The following PAM variants were observed in gnomAD, a reference collection of about 807,000 sequenced individuals.
PAM encodes the protein peptidyl-glycine alpha-amidating monooxygenase.
A neutral mutation model predicts 122.1 loss-of-function variants in PAM; 72 were observed. The observed-to-expected ratio is 0.59, with a 90% CI of 0.49 to 0.72. PAM has a LOEUF of 0.72. PAM is among the 30% of genes least tolerant of loss of function. PAM has a pLI of 0.00. For synonymous variants in PAM, 389 were observed against 404.4 expected (o/e 0.96, Z 0.46); for missense variants, 1,106 against 1,183.7 (o/e 0.93, Z 0.96).
At chr5:102,842,204 A>G (rs1029045856) in intron 1 of PAM, among the ~76,000 whole-genome samples, 5 of 147,704 alleles carry the variant, frequency 3.4e-5, no homozygotes, top group African/African-American at 1.3e-4. Context: ...AATACAACCT[A>G]AATATATATA....
At chr5:102,808,966 A>C (rs1767037323) in intron 1 of PAM, among the ~76,000 whole-genome samples, 1 of 152,262 alleles carries the variant, frequency 6.6e-6, no homozygotes, top group Non-Finnish European at 1.5e-5. Context: ...TACAGAAAGA[A>C]TATAGTAGAA....
At chr5:102,988,397 AGTATTGG>A (rs1258761031) in intron 15 of PAM, among the ~76,000 whole-genome samples, 2 of 152,140 alleles carry the variant, frequency 1.3e-5, no homozygotes, top group Non-Finnish European at 2.9e-5. Context: ...TTGTGTCATA[AGTATTGG>A]GTTCCTGGGT....
intron 5 of PAM, 135 bp from the exon 6 acceptor site, chr5:102,924,822 G>C: frequency 1.7e-6 from 1 of 593,360 alleles, no homozygotes; most frequent in Admixed American, 2.7e-5. Flanking sequence ...GGATCTTAAA[G>C]CTAATATCAT....
intron 4 of PAM, among the ~76,000 whole-genome samples, chr5:102,911,750 T>A (rs187088421): frequency 2.0e-5 from 3 of 152,138 alleles, no homozygotes; most frequent in Admixed American, 2.0e-4. Context: ...ATTTCATTTT[T>A]AAAAATTACT....
chr5:102,997,686 A>G (rs954393792), intron 16 of PAM, among the ~76,000 whole-genome samples: 1 of 152,220 alleles, frequency 6.6e-6, no homozygotes, highest in South Asian at 2.1e-4. Context: ...TGATCCTCAA[A>G]TTAGTTAATT....
At chr5:102,769,998 T>C (rs1303176265) in intron 1 of PAM, among the ~76,000 whole-genome samples, 2 of 152,134 alleles carry the variant, frequency 1.3e-5, no homozygotes, top group Non-Finnish European at 2.9e-5. Flanking sequence ...AGGATATCTT[T>C]CCGTTTTGTG....
intron 7 of PAM, among the ~76,000 whole-genome samples, chr5:102,931,010 C>T (rs1443714629): frequency 6.6e-6 from 1 of 152,116 alleles, no homozygotes; most frequent in Non-Finnish European, 1.5e-5. Flanking sequence ...TTCTAAACCT[C>T]TCTTTGCTCT....
chr5:102,871,352 T>C (rs111358048), intron 3 of PAM, among the ~76,000 whole-genome samples: 2 of 152,252 alleles, frequency 1.3e-5, no homozygotes, highest in African/African-American at 4.8e-5. Context: ...ACCTTGACAC[T>C]AGAAAGAAAT....
chr5:102,774,420 T>G (rs1368627549), intron 1 of PAM, among the ~76,000 whole-genome samples: 1 of 152,112 alleles, frequency 6.6e-6, no homozygotes, highest in Non-Finnish European at 1.5e-5. Context: ...TGAGACTACC[T>G]TGCCTTCGAA....
At chr5:102,966,292 C>T (rs192472816) in intron 14 of PAM, among the ~76,000 whole-genome samples, 250 of 152,156 alleles carry the variant, frequency 1.6e-3, no homozygotes, top group Non-Finnish European at 2.5e-3. Flanking sequence ...TTCCTAATAA[C>T]GGAATAGGCA....
chr5:102,860,696 AAAT>A (rs1437617387), intron 1 of PAM, among the ~76,000 whole-genome samples: 1 of 152,010 alleles, frequency 6.6e-6, no homozygotes, highest in Non-Finnish European at 1.5e-5. Flanking sequence ...TCAAAAAAAA[AAAT>A]AATAAAATAA....
chr5:102,868,719 TC>T (rs2150977731), intron 3 of PAM, among the ~76,000 whole-genome samples: 1 of 152,320 alleles, frequency 6.6e-6, no homozygotes, highest in African/African-American at 2.4e-5. Flanking sequence ...TTTCAAGCAC[TC>T]TTTCCCCACA....
intron 4 of PAM, among the ~76,000 whole-genome samples, chr5:102,901,971 C>G (rs1414038589): frequency 6.6e-6 from 1 of 151,484 alleles, no homozygotes; most frequent in Admixed American, 6.6e-5. Flanking sequence ...AGATTCTTCC[C>G]CAACTGAGCC....
intron 15 of PAM, among the ~76,000 whole-genome samples, chr5:102,985,922 AT>A (rs1169060862): frequency 1.2e-4 from 19 of 152,202 alleles, no homozygotes; most frequent in African/African-American, 4.1e-4. Context: ...TTGCTGGGAT[AT>A]GAGGATGGTT....
In PAM at chr5:103,009,875, A is replaced by T; in HGVS notation, c.2331+9A>T. 1 of 1,413,280 alleles carries T rather than the reference A, an allele frequency of 7.1e-7. No homozygotes were observed. Among genetic ancestry groups the T allele is most frequent in the Non-Finnish European group, 9.9e-7 (1 of 1,011,300 alleles). The allele number at this position is 1,413,280 out of a possible 1,614,324, so 87.5% of individuals were successfully genotyped here. On this transcript the variant is annotated intron_variant, in intron 21 of 25. Transcript: ENST00000438793. ...TCAAGCCAGTGCGCAAGGTATTTAC[A>T]CACATTGTCTAGGTTTCAATTTTCA...
chr5:102,797,507 C>A (rs1023947793), intron 1 of PAM, among the ~76,000 whole-genome samples: 1 of 152,104 alleles, frequency 6.6e-6, no homozygotes, highest in African/African-American at 2.4e-5. Flanking sequence ...TGGCTTTCGA[C>A]CTGCTGTAGC....
intron 3 of PAM, among the ~76,000 whole-genome samples, chr5:102,897,019 A>G (rs1486065056): frequency 4.6e-5 from 7 of 151,626 alleles, no homozygotes; most frequent in Non-Finnish European, 8.9e-5. Flanking sequence ...ATTCTTTTAC[A>G]TAGTTGGATC....
At chr5:102,836,778 C>T (rs1334271958) in intron 1 of PAM, among the ~76,000 whole-genome samples, 2 of 151,580 alleles carry the variant, frequency 1.3e-5, no homozygotes, top group African/African-American at 2.4e-5. Context: ...CTCCCTTGAA[C>T]TTGCTATCTT....
intron 1 of PAM, among the ~76,000 whole-genome samples, chr5:102,864,182 A>T (rs570755012): frequency 4.5e-4 from 62 of 137,594 alleles, no homozygotes; most frequent in Admixed American, 2.6e-3. Context: ...ATATATATAT[A>T]TATTTTTTTT....
Sources: allele counts gnomAD v4.1 joint callset (sites outside exome capture counted in the v4.1 genomes callset), GRCh38; gene constraint gnomAD v4.1.1; transcripts MANE v1.5; gene names NCBI Gene and HGNC (gene_info 2026-07-23, HGNC 2026-07-21).